The following TRIM47 variants were observed in gnomAD, a reference collection of about 807,000 sequenced individuals.
TRIM47 encodes the protein tripartite motif containing 47.
A neutral mutation model predicts 54.4 loss-of-function variants in TRIM47; 46 were observed. The observed-to-expected ratio is 0.84, with a 90% confidence interval of 0.67 to 1.08. The LOEUF is 1.08. TRIM47 is among the 50% of genes least tolerant of loss of function. The pLI, the probability that TRIM47 is intolerant of heterozygous loss-of-function variation, is 0.00. For synonymous variants in TRIM47, 392 were observed against 410.2 expected (o/e 0.96, Z 0.54); for missense variants, 825 against 910.1 (o/e 0.91, Z 1.20).
chr17:75,875,023 G>A lies in TRIM47; in HGVS notation c.1377C>T (p.Pro459=). 6.2e-7 allele frequency: 1 copy of A among 1,614,134 alleles called. No homozygotes were observed. ...AATGGGTGAAGCGGGTGGGCGACAA[G>A]GGGTAGTTGATAGGACACAGCACCC... ...VKRVLCPINY[P]LSPTRFTHCE... is the part of the protein sequence containing the mutation. Residue 459 remains proline (P), a synonymous_variant, in exon 6 of 6, where the codon CCC becomes CCT. Transcript: ENST00000254816. This position sits in a 1 kb window ranked among gnomAD's most constrained non-coding sequence, Gnocchi z 6.1.
Position 75,876,507 on chromosome 17 carries a change from A to G in TRIM47, c.772-15T>C, listed in dbSNP as rs747382096. ...ACGGCTGCACTCTGCACAGGACGAC[A>G]GTAGAGGGGGCAATGAGGGCAAAGA... On this transcript the variant is annotated splice_polypyrimidine_tract_variant and intron_variant, in intron 2 of 5. Coordinates refer to ENST00000254816, the MANE Select transcript of TRIM47 (RefSeq NM_033452.3). 2 of 1,582,518 alleles carry G rather than the reference A, an allele frequency of 1.3e-6. No individual in the cohort carries two copies. The highest frequency in any genetic ancestry group is 1.3e-5 in the African/African-American group (1 of 74,402).
intron 1 of TRIM47, 119 bp from the exon 2 acceptor site, chr17:75,876,932 G>C: frequency 1.0e-6 from 1 of 983,466 alleles, no homozygotes; most frequent in South Asian, 1.5e-5. Flanking sequence ...TGTGCATCAG[G>C]TGGGACTGGA....
At position 75,878,277 on chromosome 17, in the gene TRIM47, G is replaced by T; in HGVS notation, c.272C>A (p.Pro91Gln). Residue 91 changes from proline to glutamine, a missense_variant, in exon 1 of 6, where the codon CCG becomes CAG. Physicochemically the swap from Pro to Gln is moderately conservative, Grantham distance 76. Transcript: ENST00000254816. ...QGSGPGSGPG[P>Q]APALAPEPSA... ...GGGCTCCGGGGCCAGGGCAGGGGCC[G>T]GGCCGGGGCCGGACCCGGGGCCCGA... 1.6e-6 allele frequency: 2 copies of T among 1,257,526 alleles called. No individual in the cohort carries two copies. The highest frequency in any genetic ancestry group is 2.0e-6 in the Non-Finnish European group (2 of 1,000,580). 77.9% of individuals were successfully genotyped at this position (1,257,526 alleles called of 1,614,324 possible).
rs3744017 is a variant in TRIM47, at chr17:75,875,386, G to A, written c.1276+14C>T. 306,457 of 1,611,722 alleles carry A rather than the reference G, an allele frequency of 0.19. 30,589 individuals carry two copies. Among genetic ancestry groups the A allele is most frequent in the African/African-American group, 0.32 (24,190 of 74,840 alleles). On this transcript the variant is annotated intron_variant, in intron 5 of 5. Coordinates refer to ENST00000254816, the MANE Select transcript of TRIM47 (RefSeq NM_033452.3). This position sits in a 1 kb window ranked among gnomAD's most constrained non-coding sequence, Gnocchi z 6.1. ...GGCCCAGTGTGAGTGGAGGGGGCAC[G>A]GGCGTCCACTTACACTTGAGGAAAT...
chr17:75,875,411 T>C lies in TRIM47; in HGVS notation c.1265A>G (p.Tyr422Cys). ...GGGCGTCCACTTACACTTGAGGAAA[T>C]AGTCCCTGGGAGCTTCACTCTCCAA... Reference protein sequence around the residue: ...NLLESEAPRDYFLKFAYIVDL... With the variant: ...NLLESEAPRDCFLKFAYIVDL... Residue 422 changes from tyrosine to cysteine, a missense_variant, in exon 5 of 6, where the codon TAT becomes TGT. Transcript: ENST00000254816. The surrounding 1 kb of genome is among the most constrained non-coding windows in gnomAD (Gnocchi z 6.1). 1.9e-6 allele frequency: 3 copies of C among 1,613,872 alleles called. No individual in the cohort carries two copies.
rs139899115 is a variant in TRIM47, at chr17:75,876,503, C to T, written c.772-11G>A. 799 of 1,588,296 alleles carry T rather than the reference C, an allele frequency of 5.0e-4. 6 individuals are homozygous for T. The African/African-American group carries it at 9.3e-3, about 18-fold the overall frequency. ...TGCTACGGCTGCACTCTGCACAGGA[C>T]GACAGTAGAGGGGGCAATGAGGGCA... On this transcript the variant is annotated splice_polypyrimidine_tract_variant and intron_variant, in intron 2 of 5. Coordinates refer to ENST00000254816, the MANE Select transcript of TRIM47 (RefSeq NM_033452.3).
At chr17:75,876,183 T>G (rs1406976419) in intron 3 of TRIM47, 79 bp downstream of exon 3, 1 of 1,567,560 alleles carries the variant, frequency 6.4e-7, no homozygotes, top group Non-Finnish European at 8.6e-7. Context: ...CAGGAAGTCA[T>G]GCACCCACTG....
At chr17:75,877,065 G>A (rs566482043) in intron 1 of TRIM47, 2 of 536,560 alleles carry the variant, frequency 3.7e-6, no homozygotes, top group African/African-American at 3.8e-5. Context: ...AGGAGGCCTA[G>A]TACAGGGCCG....
At chr17:75,877,141 T>G (rs2065140656) in intron 1 of TRIM47, 2 of 353,956 alleles carry the variant, frequency 5.7e-6, no homozygotes, top group South Asian at 3.8e-5. Context: ...AGGCAGAGAG[T>G]AAGCCAGTTA....
At position 75,875,635 on chromosome 17, in the gene TRIM47, C is replaced by A; in HGVS notation, c.1202-161G>T. On this transcript the variant is annotated intron_variant, in intron 4 of 5. Transcript: ENST00000254816. This position sits in a 1 kb window ranked among gnomAD's most constrained non-coding sequence, Gnocchi z 6.1. ...CTGTGCTCACACACATGCCCGTTGC[C>A]TGTGTTCTGCCTCTTGCCCCATGTG... 1.3e-6 allele frequency: 1 copy of A among 743,874 alleles called. No homozygotes were observed. 46.1% of individuals were successfully genotyped at this position (743,874 alleles called of 1,614,324 possible).
chr17:75,875,574 GCCA>G lies in TRIM47; in HGVS notation c.1202-103_1202-101del. On this transcript the variant is annotated intron_variant, in intron 4 of 5. Coordinates refer to ENST00000254816, the MANE Select transcript of TRIM47 (RefSeq NM_033452.3). The surrounding 1 kb of genome is among the most constrained non-coding windows in gnomAD (Gnocchi z 6.1). ...CCTTCACTTCCTCCCAGAGTCCAGA[GCCA>G]CCAGGGAGCAAGCACCACCCAGATG... The G allele has an allele frequency of 1.8e-6, 2 of 1,115,828 alleles. No homozygotes were observed. The highest frequency in any genetic ancestry group is 2.7e-6 in the Non-Finnish European group (2 of 744,108). The allele number at this position is 1,115,828 out of a possible 1,614,324, so 69.1% of individuals were successfully genotyped here. A position where few individuals can be genotyped will look rare whatever the true frequency, so the allele number is the denominator to read the frequency against.
rs1045279831 is a variant in TRIM47 at position 75,874,234 on chromosome 17, G to A, written c.*249C>T. 7.6e-6 allele frequency: 3 copies of A among 393,742 alleles called. No individual in the cohort carries two copies. The highest frequency in any genetic ancestry group is 1.4e-5 in the Non-Finnish European group (3 of 222,190). 24.4% of individuals were successfully genotyped at this position (393,742 alleles called of 1,614,324 possible). A position where few individuals can be genotyped will look rare whatever the true frequency, so the allele number is the denominator to read the frequency against. On this transcript the variant is annotated 3_prime_UTR_variant, in exon 6 of 6. Transcript: ENST00000254816. This position sits in a 1 kb window ranked among gnomAD's most constrained non-coding sequence, Gnocchi z 6.2. ...TATTCTAGAAACCTGGGAAAGGAGG[G>A]GTTAGGGTAGCTTGGAGCTGTCCCA...
rs201803764 is a variant in TRIM47, at chr17:75,874,479, G to A, written c.*4C>T. 1.0e-4 allele frequency: 149 copies of A among 1,491,328 alleles called. No individual in the cohort carries two copies. The highest frequency in any genetic ancestry group is 8.6e-5 in the South Asian group (6 of 69,462). 92.4% of individuals were successfully genotyped at this position (1,491,328 alleles called of 1,614,324 possible). On this transcript the variant is annotated 3_prime_UTR_variant, in exon 6 of 6. Transcript: ENST00000254816. The surrounding 1 kb of genome is among the most constrained non-coding windows in gnomAD (Gnocchi z 6.2). The stretch of plus-strand genomic sequence containing the variant: ...GACGGCAGCAGGAGCGCCCGTGCCC[G>A]GCATCACCTCCTCTTCAGCACGGAT...
At position 75,874,730 on chromosome 17, in the gene TRIM47, C is replaced by T. The variant is rs914122992; in HGVS notation, c.1670G>A (p.Arg557His). The change falls in exon 6 of 6, where the codon CGT becomes CAT. Residue 557 changes from arginine to histidine, a missense_variant. By Grantham distance (29) the Arg-to-His change is conservative. Transcript: ENST00000254816. This position sits in a 1 kb window ranked among gnomAD's most constrained non-coding sequence, Gnocchi z 6.2. ...TVGVCLEYAD[R>H]ALAFYAVRDG... ...CCGTACAGCATAGAAGGCCAAGGCA[C>T]GGTCAGCGTATTCCAGGCAGACCCC... is the stretch of plus-strand genomic sequence containing the variant. The T allele has an allele frequency of 4.1e-5, 66 of 1,613,894 alleles. No individual in the cohort carries two copies. The highest frequency in any genetic ancestry group is 5.3e-5 in the Non-Finnish European group (63 of 1,180,026).
chr17:75,876,173 C>T, intron 3 of TRIM47, 74 bp from the exon 4 acceptor site: 2 of 1,573,700 alleles, frequency 1.3e-6, no homozygotes, highest in South Asian at 2.3e-5. Flanking sequence ...GCAGCTCTGC[C>T]AGGAAGTCAT....
At position 75,878,253 on chromosome 17, in the gene TRIM47, G is replaced by A. The variant is rs1473435041; in HGVS notation, c.296C>T (p.Pro99Leu). 10 of 1,239,378 alleles carry A rather than the reference G, an allele frequency of 8.1e-6. No individual in the cohort carries two copies. The highest frequency in any genetic ancestry group is 9.1e-6 in the Non-Finnish European group (9 of 991,716). 76.8% of individuals were successfully genotyped at this position (1,239,378 alleles called of 1,614,324 possible). A position where few individuals can be genotyped will look rare whatever the true frequency, so the allele number is the denominator to read the frequency against. Reference sequence around the variant, plus strand: ...ACTGGGCAGCGCGCTGGGTGCCGAGGGCTCCGGGGCCAGGGCAGGGGCCGG... The same window carrying A: ...ACTGGGCAGCGCGCTGGGTGCCGAGAGCTCCGGGGCCAGGGCAGGGGCCGG... Reference protein sequence around the residue: ...PGPAPALAPEPSAPSALPSVP... With the variant: ...PGPAPALAPELSAPSALPSVP... The change falls in exon 1 of 6, where the codon CCC (proline) becomes CTC (leucine). Residue 99 changes from proline (P) to leucine (L), a missense_variant. By Grantham distance (98) the Pro-to-Leu change is moderately conservative. Coordinates refer to ENST00000254816, the MANE Select transcript of TRIM47 (RefSeq NM_033452.3).
Position 75,876,028 on chromosome 17 carries a change from G to T in TRIM47, c.1074C>A (p.Ser358Arg). The T allele has an allele frequency of 6.2e-7, 1 of 1,603,986 alleles. No individual in the cohort carries two copies. ...GGACAGCTTGGGATGATTTGGTGAA[G>T]CTGAGCTCCCTCGGGGGTCCAGGCC... ...GPGPGPPREL[S>R]FTKSSQAVRA... Residue 358 changes from serine to arginine, a missense_variant, in exon 4 of 6, where the codon AGC (serine) becomes AGA (arginine). By Grantham distance (110) the Ser-to-Arg change is moderately radical. Coordinates refer to ENST00000254816, the MANE Select transcript of TRIM47 (RefSeq NM_033452.3).
chr17:75,874,593 C>A lies in TRIM47; in HGVS notation c.1807G>T (p.Gly603Trp). ...GGCTTGAGTCTGTGGGTGAAGAGCC[C>A]CGCAAAGTGACTGTCCAGGCGGCTC... The part of the protein sequence containing the change: ...FQSRLDSHFA[G>W]LFTHRLKPAF... The change falls in exon 6 of 6, where the codon GGG becomes TGG. Residue 603 changes from glycine (G) to tryptophan (W), a missense_variant. Physicochemically the swap from Gly to Trp is radical, Grantham distance 184. Coordinates refer to ENST00000254816, the MANE Select transcript of TRIM47 (RefSeq NM_033452.3). The surrounding 1 kb of genome is among the most constrained non-coding windows in gnomAD (Gnocchi z 6.2). 1 of 1,548,870 alleles carries A rather than the reference C, an allele frequency of 6.5e-7. No homozygotes were observed. Among genetic ancestry groups the A allele is most frequent in the Non-Finnish European group, 8.7e-7 (1 of 1,148,744 alleles).
rs949769270 is a variant in TRIM47, at chr17:75,875,838, TG to T, written c.1201+62del. 9.0e-6 allele frequency: 14 copies of T among 1,548,576 alleles called. No homozygotes were observed. In the African/African-American group the frequency reaches 1.6e-4, roughly 18 times the overall value. ...TCCACTTCTGGATGGGCGCCAGGCCTGGGGGCCTGTGCGAGAGGCTGGCAGA... is the reference window on the plus strand; with the variant it reads ...TCCACTTCTGGATGGGCGCCAGGCCTGGGGCCTGTGCGAGAGGCTGGCAGA... On this transcript the variant is annotated intron_variant, in intron 4 of 5. Coordinates refer to ENST00000254816, the MANE Select transcript of TRIM47 (RefSeq NM_033452.3). This position sits in a 1 kb window ranked among gnomAD's most constrained non-coding sequence, Gnocchi z 6.1.
Sources: gnomAD v4.1 joint callset for allele counts on GRCh38, gnomAD v4.1.1 for gene constraint, Gnocchi (gnomAD v3.1) non-coding constraint, MANE v1.5 for transcripts, NCBI Gene and HGNC (gene_info 2026-07-23, HGNC 2026-07-21) for gene names.